The following ERCC8 variants were observed in gnomAD, a reference collection of about 807,000 sequenced individuals.
ERCC8 encodes ERCC excision repair 8, CSA ubiquitin ligase complex subunit.
ERCC8 carries 52 observed loss-of-function variants against 54.9 expected under a neutral mutation model. That is an observed-to-expected ratio of 0.95 (90% CI 0.76 to 1.19). The LOEUF is 1.19. Among genes scored for constraint, ERCC8 ranks in the 50% most tolerant of loss-of-function variants. The pLI is 0.00. For missense variants in ERCC8, 514 were observed against 466.1 expected, an observed-to-expected ratio of 1.10 and a Z score of -0.95; for synonymous variants, 146 against 157.2, an observed-to-expected ratio of 0.93 and a Z score of 0.53.
intron 11 of ERCC8, among the ~76,000 whole-genome samples, chr5:60,885,136 T>C (rs1419334021): frequency 6.6e-6 from 1 of 151,964 alleles, no homozygotes; most frequent in Non-Finnish European, 1.5e-5. Context: ...CTCACCCTCT[T>C]AAGTAGCTGG....
intron 1 of ERCC8, among the ~76,000 whole-genome samples, chr5:60,930,680 C>T (rs531777299): frequency 2.6e-4 from 40 of 152,304 alleles, no homozygotes; most frequent in Non-Finnish European, 2.8e-4. Flanking sequence ...GAGCCGAGAT[C>T]GCGCCACTGC....
chr5:60,903,504 G>A, intron 6 of ERCC8, 144 bp downstream of exon 6: 1 of 1,361,552 alleles, frequency 7.3e-7, no homozygotes, highest in Admixed American at 2.3e-5. Context: ...ATGCACAGAA[G>A]GATCTTTATT....
chr5:60,933,439 A>G (rs158927), intron 1 of ERCC8, among the ~76,000 whole-genome samples: 100,226 of 151,750 alleles, frequency 0.66, 33,489 homozygotes, highest in East Asian at 0.94. Flanking sequence ...GGCTGGTCTC[A>G]AACTCCTGAC....
At chr5:60,879,767 G>T (rs1342541656) in intron 11 of ERCC8, among the ~76,000 whole-genome samples, 4 of 152,064 alleles carry the variant, frequency 2.6e-5, no homozygotes, top group African/African-American at 9.7e-5. Context: ...GTCTCTCCAC[G>T]TGAGATGGGT....
chr5:60,877,152 C>T (rs1396685296), intron 11 of ERCC8, among the ~76,000 whole-genome samples: 2 of 152,166 alleles, frequency 1.3e-5, no homozygotes, highest in East Asian at 3.8e-4. Context: ...TTCTCCATTT[C>T]TTGTTTTTGT....
Position 60,892,544 on chromosome 5 carries a change from G to A in ERCC8, c.844-1458C>T, listed in dbSNP as rs551216096. 7.5e-5 allele frequency: 48 copies of A among 639,142 alleles called. No homozygotes were observed. In the Middle Eastern group the frequency reaches 8.4e-4, roughly 11 times the overall value. 39.6% of individuals were successfully genotyped at this position (639,142 alleles called of 1,614,324 possible). A position where few individuals can be genotyped will look rare whatever the true frequency, so the allele number is the denominator to read the frequency against. The stretch of plus-strand genomic sequence containing the variant: ...TGGCTGCCTGCTCCTGACTGTGTAA[G>A]TCTCTCTTCTTCCCCAAATGGTGGG... On this transcript the variant is annotated intron_variant, in intron 9 of 11. Transcript: ENST00000676185.
chr5:60,914,033 A>T (rs935756259), intron 4 of ERCC8, among the ~76,000 whole-genome samples: 2 of 152,096 alleles, frequency 1.3e-5, no homozygotes, highest in Non-Finnish European at 1.5e-5. Context: ...TTCTGGAATA[A>T]GTGCAATGTG....
chr5:60,898,211 AT>A, intron 9 of ERCC8, 64 bp downstream of exon 9: 1 of 1,520,222 alleles, frequency 6.6e-7, no homozygotes, highest in Non-Finnish European at 9.1e-7. Context: ...ATATAAAAAA[AT>A]CAAGTGTATG....
chr5:60,902,494 T>C lies in ERCC8; in HGVS notation c.565A>G (p.Ile189Val), dbSNP rs762206204. Reference sequence around the variant, plus strand: ...CGTGGAGACCAGGAAACTGCTAATATTTCTTGTCTGTGACCTGCAAATACA... The same window carrying C: ...CGTGGAGACCAGGAAACTGCTAATACTTCTTGTCTGTGACCTGCAAATACA... ...SHILQGHRQE[I>V]LAVSWSPRYD... is the part of the protein sequence containing the mutation. Residue 189 changes from isoleucine to valine, a missense_variant, in exon 7 of 12, where the codon ATA becomes GTA. By Grantham distance (29) the Ile-to-Val change is conservative (BLOSUM62 3). Transcript: ENST00000676185. 54 of 1,612,086 alleles carry C rather than the reference T, an allele frequency of 3.3e-5. No homozygotes were observed. The highest frequency in any genetic ancestry group is 6.7e-5 in the Admixed American group (4 of 59,976).
At chr5:60,894,019 C>T (rs1479638008) in intron 9 of ERCC8, among the ~76,000 whole-genome samples, 2 of 141,184 alleles carry the variant, frequency 1.4e-5, no homozygotes, top group African/African-American at 2.7e-5. Context: ...GAGTCTTGCT[C>T]TGTCGCCCAG....
intron 9 of ERCC8, chr5:60,893,098 G>T (rs1748614528): frequency 2.6e-6 from 2 of 773,102 alleles, no homozygotes; most frequent in African/African-American, 3.4e-5. Context: ...ACCAGGACCA[G>T]CTTCTTGTTG....
chr5:60,944,804 C>A, intron 1 of ERCC8, 128 bp downstream of exon 1: 1 of 593,898 alleles, frequency 1.7e-6, no homozygotes, highest in Middle Eastern at 2.9e-4. Flanking sequence ...GCAAGCCACA[C>A]AGCATTAGAG....
At chr5:60,885,318 ATTATCT>A (rs1217337079) in intron 11 of ERCC8, among the ~76,000 whole-genome samples, 1 of 152,086 alleles carries the variant, frequency 6.6e-6, no homozygotes, top group Non-Finnish European at 1.5e-5. Flanking sequence ...CTGGCCACAT[ATTATCT>A]TTAAGAATTA....
At chr5:60,924,831 A>C (rs1358022660) in intron 2 of ERCC8, among the ~76,000 whole-genome samples, 1 of 151,948 alleles carries the variant, frequency 6.6e-6, no homozygotes, top group East Asian at 1.9e-4. Context: ...AGTTTTAGTC[A>C]GTCTTCATTT....
At chr5:60,898,499 G>A (rs1748782813) in intron 8 of ERCC8, 99 bp from the exon 9 acceptor site, 1 of 1,375,374 alleles carries the variant, frequency 7.3e-7, no homozygotes. Flanking sequence ...AACTACTTGA[G>A]TTACTTAAAA....
At chr5:60,942,763 A>G (rs158933) in intron 1 of ERCC8, among the ~76,000 whole-genome samples, 86,689 of 151,868 alleles carry the variant, frequency 0.57, 26,024 homozygotes, top group East Asian at 0.94. Context: ...CAAATTGTAT[A>G]TTCTCATTTA....
chr5:60,886,091 A>G (rs1748383430), intron 11 of ERCC8, among the ~76,000 whole-genome samples: 1 of 151,958 alleles, frequency 6.6e-6, no homozygotes, highest in African/African-American at 2.4e-5. Flanking sequence ...CATTGTTTTT[A>G]GACATTGCTT....
In ERCC8 at chr5:60,874,198, C is replaced by G. The variant is rs1747929317; in HGVS notation, c.*417G>C. 1 of 155,946 alleles carries G rather than the reference C, an allele frequency of 6.4e-6. No homozygotes were observed. The highest frequency in any genetic ancestry group is 6.4e-5 in the Admixed American group (1 of 15,508). 9.7% of individuals were successfully genotyped at this position (155,946 alleles called of 1,614,324 possible). ...TTTCAACTACTATTTTTGATATAAT[C>G]ATTCTTGGCAAAATCATTCTTAAAG... On this transcript the variant is annotated 3_prime_UTR_variant, in exon 12 of 12. Transcript: ENST00000676185.
chr5:60,892,948 C>G, intron 9 of ERCC8: 1 of 758,716 alleles, frequency 1.3e-6, no homozygotes, highest in South Asian at 1.4e-5. Context: ...CAATAGTTCC[C>G]CAGAACCCTC....
Sources: gnomAD v4.1 joint callset for allele counts (sites outside exome capture counted in the v4.1 genomes callset) on GRCh38, gnomAD v4.1.1 for gene constraint, MANE v1.5 for transcripts, NCBI Gene and HGNC (gene_info 2026-07-23, HGNC 2026-07-21) for gene names.